NRXN1: variants seen among roughly 807,000 people sequenced by gnomAD.
NRXN1 encodes neurexin-1.
In NRXN1, 39 loss-of-function variants were observed where a neutral mutation model predicts 150.9. That is an observed-to-expected ratio of 0.26 (90% CI 0.20 to 0.34). The LOEUF (loss-of-function observed/expected upper bound fraction) is 0.34, where lower values mean the gene tolerates loss of function less well. NRXN1 is among the 10% of genes least tolerant of loss of function. NRXN1 has a pLI of 1.00. For missense variants in NRXN1, 1,815 were observed against 1,949.9 expected (o/e 0.93, Z 1.30); for synonymous variants, 924 against 757.0 (o/e 1.22, Z -3.62).
At chr2:50,587,271 G>C (rs1229381288) in intron 8 of NRXN1, among the ~76,000 whole-genome samples, 2 of 152,300 alleles carry the variant, frequency 1.3e-5, no homozygotes, top group South Asian at 4.1e-4. Context: ...GATCACTTGA[G>C]AACAGGAGTT....
At chr2:50,918,653 TAAAC>T (rs1269681568) in intron 5 of NRXN1, 3 of 365,906 alleles carry the variant, frequency 8.2e-6, no homozygotes, top group Admixed American at 9.4e-5. Context: ...AAAATATAAA[TAAAC>T]AATCAAAGCA....
At chr2:50,190,854 C>T (rs528760262) in intron 18 of NRXN1, among the ~76,000 whole-genome samples, 1 of 152,152 alleles carries the variant, frequency 6.6e-6, no homozygotes, top group East Asian at 1.9e-4. Flanking sequence ...TGCAGGTGAT[C>T]CACCTGCCTT....
intron 5 of NRXN1, among the ~76,000 whole-genome samples, chr2:50,736,477 C>T (rs982366544): frequency 2.6e-5 from 4 of 152,020 alleles, no homozygotes; most frequent in Admixed American, 2.0e-4. Context: ...GTGTCCCCAC[C>T]CAAATCTTAT....
intron 2 of NRXN1, among the ~76,000 whole-genome samples, chr2:51,012,572 C>A (rs563441634): frequency 6.6e-6 from 1 of 151,986 alleles, no homozygotes; most frequent in African/African-American, 2.4e-5. Flanking sequence ...ATTGTTTAGA[C>A]TTGTATTTAG....
intron 12 of NRXN1, among the ~76,000 whole-genome samples, chr2:50,512,444 T>C (rs1406861490): frequency 6.6e-6 from 1 of 152,244 alleles, no homozygotes; most frequent in East Asian, 1.9e-4. Flanking sequence ...TGTTAATCAC[T>C]ATAAATTTTG....
intron 17 of NRXN1, among the ~76,000 whole-genome samples, chr2:50,263,843 T>G (rs1186211903): frequency 6.6e-6 from 1 of 152,112 alleles, no homozygotes; most frequent in African/African-American, 2.4e-5. Flanking sequence ...TTTGTATCAC[T>G]CTATTGATTG....
At chr2:49,929,827 G>C (rs537112304) in intron 22 of NRXN1, among the ~76,000 whole-genome samples, 1 of 152,072 alleles carries the variant, frequency 6.6e-6, no homozygotes, top group Admixed American at 6.6e-5. Context: ...AGGAGATAAC[G>C]AAACAAACTT....
intron 8 of NRXN1, among the ~76,000 whole-genome samples, chr2:50,606,109 G>A (rs182942155): frequency 1.9e-4 from 29 of 152,080 alleles, no homozygotes; most frequent in African/African-American, 6.7e-4. Context: ...AATTAGCCAG[G>A]CATGGTGGCA....
rs555175281 is a variant in NRXN1 at position 50,216,102 on chromosome 2, T to C, written c.3546+20687A>G. Among the ~76,000 whole-genome samples, 5 of 152,142 alleles carry C rather than the reference T, an allele frequency of 3.3e-5. No homozygotes were observed. In the South Asian group the frequency reaches 8.3e-4, roughly 25 times the overall value. ...CTGATACAGTGGCTCATGTCTGTAA[T>C]CCTAACACTTAGGGAGGCTGAGGCA... On this transcript the variant is annotated intron_variant, in intron 18 of 22. Transcript: ENST00000401669.
chr2:50,328,954 C>T (rs1027205033), intron 17 of NRXN1, among the ~76,000 whole-genome samples: 1 of 151,994 alleles, frequency 6.6e-6, no homozygotes, highest in African/African-American at 2.4e-5. Flanking sequence ...TAGCTCAATA[C>T]CCCCTGCCTG....
intron 18 of NRXN1, among the ~76,000 whole-genome samples, chr2:50,186,042 A>G (rs1295840899): frequency 2.0e-5 from 3 of 152,112 alleles, no homozygotes; most frequent in Non-Finnish European, 4.4e-5. Context: ...ACCACACAAT[A>G]CTAGTACAAT....
At chr2:50,756,972 G>A (rs1322501044) in intron 5 of NRXN1, among the ~76,000 whole-genome samples, 6 of 151,780 alleles carry the variant, frequency 4.0e-5, no homozygotes, top group Admixed American at 3.9e-4. Context: ...TGTTGCTGTG[G>A]CTAAAGAATG....
rs552321315 is a variant in NRXN1 at position 50,223,795 on chromosome 2, G to A, written c.3546+12994C>T. Among the ~76,000 whole-genome samples, 10 of 151,958 alleles carry A rather than the reference G, an allele frequency of 6.6e-5. 1 individual carries two copies. Among genetic ancestry groups the A allele is most frequent in the South Asian group, 6.2e-4 (3 of 4,816 alleles). On this transcript the variant is annotated intron_variant, in intron 18 of 22. Transcript: ENST00000401669. The stretch of plus-strand genomic sequence containing the variant: ...TCCCCCTGCCTTTAGTTTGGGGTGC[G>A]GGGGGAAAGAAGTAGGTCAAGACAT...
chr2:50,981,557 G>T (rs4971717), intron 2 of NRXN1, among the ~76,000 whole-genome samples: 2 of 150,734 alleles, frequency 1.3e-5, no homozygotes, highest in African/African-American at 4.9e-5. Context: ...TTTGTATTAC[G>T]TATTAATTTT....
chr2:50,579,561 A>T (rs527480387), intron 8 of NRXN1, among the ~76,000 whole-genome samples: 2 of 152,302 alleles, frequency 1.3e-5, no homozygotes, highest in South Asian at 4.1e-4. Context: ...AGGTGGGAGG[A>T]TCGCTTAACT....
chr2:50,202,859 T>C (rs1237817821), intron 18 of NRXN1, among the ~76,000 whole-genome samples: 2 of 129,292 alleles, frequency 1.5e-5, no homozygotes, highest in East Asian at 3.9e-4. Context: ...CTGATCCACA[T>C]TTTTTTTTGT....
intron 5 of NRXN1, among the ~76,000 whole-genome samples, chr2:50,905,021 C>T (rs994261771): frequency 6.6e-6 from 1 of 152,040 alleles, no homozygotes; most frequent in African/African-American, 2.4e-5. Flanking sequence ...TGATTTGTCC[C>T]ACTGAAAGAA....
chr2:50,139,890 A>G lies in NRXN1; in HGVS notation c.3547-48396T>C, dbSNP rs1192611355. The stretch of plus-strand genomic sequence containing the variant: ...AGGAATAATATATGTGGGAGCTGAA[A>G]ATGTTAAAATATATCAAATATTTCA... On this transcript the variant is annotated intron_variant, in intron 18 of 22. Transcript: ENST00000401669. Among the ~76,000 whole-genome samples the G allele has an allele frequency of 2.6e-5, 4 of 152,298 alleles. No individual in the cohort carries two copies. The East Asian group carries it at 7.7e-4, about 29-fold the overall frequency.
chr2:50,552,727 A>G lies in NRXN1; in HGVS notation c.1619T>C (p.Phe540Ser). Residue 540 changes from phenylalanine (F) to serine (S), a missense_variant, in exon 9 of 23, where the codon TTC becomes TCC. Coordinates refer to ENST00000401669, the MANE Select transcript of NRXN1 (RefSeq NM_001330078.2). ...GCCATCTAGCATCTCAATAGCAAAG[A>G]AGTCCACCTTTATCATCTGTGGGTG... is the stretch of plus-strand genomic sequence containing the variant. The part of the protein sequence containing the change: ...AKHPQMIKVD[F>S]FAIEMLDGHL... The G allele has an allele frequency of 6.2e-7, 1 of 1,613,992 alleles. No individual in the cohort carries two copies. The highest frequency in any genetic ancestry group is 8.5e-7 in the Non-Finnish European group (1 of 1,179,878).
Sources: gnomAD v4.1 joint callset for allele counts (sites outside exome capture counted in the v4.1 genomes callset) on GRCh38, gnomAD v4.1.1 for gene constraint, MANE v1.5 for transcripts, NCBI Gene and HGNC (gene_info 2026-07-23, HGNC 2026-07-21) for gene names.